GLI3: variants seen among roughly 807,000 people sequenced by gnomAD.
GLI3 encodes GLI family zinc finger 3.
A neutral mutation model predicts 100.8 loss-of-function variants in GLI3; 20 were observed. The observed-to-expected ratio is 0.20, with a 90% confidence interval of 0.14 to 0.29. The LOEUF (loss-of-function observed/expected upper bound fraction) is 0.29. Ranked by LOEUF, GLI3 falls within the 10% of genes least tolerant of loss-of-function variation. GLI3 has a pLI of 1.00. For synonymous variants in GLI3, 938 were observed against 860.5 expected, an observed-to-expected ratio of 1.09 and a Z score of -1.58; for missense variants, 2,040 against 2,128.5, an observed-to-expected ratio of 0.96 and a Z score of 0.82.
chr7:42,260,199 C>T (rs1789124529), intron 1 of GLI3, among the ~76,000 whole-genome samples: 1 of 152,188 alleles, frequency 6.6e-6, no homozygotes, highest in Admixed American at 6.5e-5. Context: ...TGAGAAATGA[C>T]ATATATAATG....
Position 42,026,321 on chromosome 7 carries a change from A to T in GLI3, c.1120T>A (p.Phe374Ile), listed in dbSNP as rs777494598. ...LSRQQSLGSA[F>I]GHSPPLIHPA... is the part of the protein sequence containing the mutation. The stretch of plus-strand genomic sequence containing the variant: ...TGGATGAGTGGAGGGCTGTGTCCAA[A>T]GGCTGAACCTAAGCTCTGTTGTCGG... The change falls in exon 8 of 15, where the codon TTT (phenylalanine) becomes ATT (isoleucine). Residue 374 changes from phenylalanine to isoleucine, a missense_variant. Phe to Ile is a conservative substitution (Grantham distance 21). Transcript: ENST00000395925. 5 of 1,614,162 alleles carry T rather than the reference A, an allele frequency of 3.1e-6. No individual in the cohort carries two copies. Among genetic ancestry groups the T allele is most frequent in the Non-Finnish European group, 4.2e-6 (5 of 1,180,002 alleles).
chr7:42,145,445 A>G (rs1292986924), intron 3 of GLI3: 1 of 397,770 alleles, frequency 2.5e-6, no homozygotes, highest in Admixed American at 4.4e-5. Flanking sequence ...TACAAAACAG[A>G]AAAAAGTTAT....
chr7:41,965,831 T>G lies in GLI3; in HGVS notation c.3242A>C (p.Asp1081Ala). 1 of 1,613,220 alleles carries G rather than the reference T, an allele frequency of 6.2e-7. No individual in the cohort carries two copies. The highest frequency in any genetic ancestry group is 1.7e-5 in the Admixed American group (1 of 59,970). Residue 1081 changes from aspartate to alanine, a missense_variant, in exon 15 of 15, where the codon GAC (aspartate) becomes GCC (alanine). Physicochemically the swap from Asp to Ala is moderately radical, Grantham distance 126. Around this residue, in one of 5 missense-constraint regions of GLI3, gnomAD observed 1,041 missense variants for 924.0 expected, o/e 1.13. Coordinates refer to ENST00000395925, the MANE Select transcript of GLI3 (RefSeq NM_000168.6). ...ENVTLESLTM[D>A]ADANLNDEDF... ...CTCATCGTTCAGGTTGGCATCAGCG[T>G]CCATGGTCAGGGACTCCAGGGTGAC...
intron 10 of GLI3, among the ~76,000 whole-genome samples, chr7:42,007,272 A>T (rs1038232666): frequency 2.0e-5 from 3 of 151,918 alleles, no homozygotes; most frequent in Non-Finnish European, 4.4e-5. Flanking sequence ...CAACAGCAAG[A>T]TATTGCTACG....
At chr7:42,253,350 C>T (rs1256136094) in intron 1 of GLI3, among the ~76,000 whole-genome samples, 2 of 152,190 alleles carry the variant, frequency 1.3e-5, no homozygotes, top group African/African-American at 2.4e-5. Flanking sequence ...GTGCTCAGCG[C>T]ATCTGCAGCA....
At chr7:41,984,546 C>A (rs557745747) in intron 10 of GLI3, among the ~76,000 whole-genome samples, 1 of 152,154 alleles carries the variant, frequency 6.6e-6, no homozygotes, top group African/African-American at 2.4e-5. Context: ...AAACCCTGCC[C>A]GAGGGAATCA....
intron 2 of GLI3, among the ~76,000 whole-genome samples, chr7:42,153,556 C>T (rs1583603972): frequency 2.0e-5 from 1 of 50,028 alleles, no homozygotes; most frequent in Non-Finnish European, 3.7e-5. Context: ...GAGGATGGGG[C>T]GGGCAGGGAG....
chr7:42,021,542 T>C (rs1788942107), intron 10 of GLI3, among the ~76,000 whole-genome samples: 1 of 152,216 alleles, frequency 6.6e-6, no homozygotes, highest in South Asian at 2.1e-4. Flanking sequence ...CACATTACTG[T>C]ATTTAGGTTG....
chr7:42,186,526 A>G (rs1445114244), intron 2 of GLI3, among the ~76,000 whole-genome samples: 2 of 152,232 alleles, frequency 1.3e-5, no homozygotes, highest in East Asian at 3.9e-4. Context: ...CTGAAAAATC[A>G]CATGAGCACC....
chr7:42,258,925 T>C (rs1271382910), intron 1 of GLI3, among the ~76,000 whole-genome samples: 2 of 152,210 alleles, frequency 1.3e-5, no homozygotes, highest in East Asian at 1.9e-4. Context: ...GAAAATGTGC[T>C]TGGGTTTTCT....
chr7:42,010,782 G>A (rs1359327348), intron 10 of GLI3, among the ~76,000 whole-genome samples: 1 of 152,188 alleles, frequency 6.6e-6, no homozygotes, highest in Non-Finnish European at 1.5e-5. Flanking sequence ...TGTGTATGAG[G>A]AAACTGATTA....
rs184585102 is a variant in GLI3, at chr7:42,093,219, A to C, written c.368-16362T>G. ...ACATGGAGAAACCCCGTCTCTACTAAAAATACAAAATTAGCCGGGTGTGGT... is the reference window on the plus strand; with the variant it reads ...ACATGGAGAAACCCCGTCTCTACTACAAATACAAAATTAGCCGGGTGTGGT... On this transcript the variant is annotated intron_variant, in intron 3 of 14. Transcript: ENST00000395925. Among the ~76,000 whole-genome samples, 333 of 152,048 alleles carry C rather than the reference A, an allele frequency of 2.2e-3. 6 individuals are homozygous for C. The East Asian group carries it at 0.06, about 27-fold the overall frequency.
chr7:42,125,113 C>T (rs1474419088), intron 3 of GLI3, among the ~76,000 whole-genome samples: 1 of 152,092 alleles, frequency 6.6e-6, no homozygotes, highest in Admixed American at 6.5e-5. Context: ...GTATTGCTCG[C>T]ACAATAGCAA....
Position 41,965,627 on chromosome 7 carries a change from G to A in GLI3, c.3446C>T (p.Pro1149Leu), listed in dbSNP as rs1404411124. 1.2e-6 allele frequency: 2 copies of A among 1,611,362 alleles called. No individual in the cohort carries two copies. The highest frequency in any genetic ancestry group is 3.3e-5 in the Admixed American group (2 of 59,972). The change falls in exon 15 of 15, where the codon CCC becomes CTC. Residue 1149 changes from proline to leucine, a missense_variant. Coordinates refer to ENST00000395925, the MANE Select transcript of GLI3 (RefSeq NM_000168.6). The part of the protein sequence containing the change: ...AGQQFHALEQ[P>L]CPEGSKTDLP... Reference sequence around the variant, plus strand: ...GTCGGTTTTGCTGCCCTCGGGGCAGGGCTGCTCGAGGGCATGGAACTGCTG... The same window carrying A: ...GTCGGTTTTGCTGCCCTCGGGGCAGAGCTGCTCGAGGGCATGGAACTGCTG...
At chr7:42,245,893 AAAG>A (rs1788965638) in intron 1 of GLI3, among the ~76,000 whole-genome samples, 1 of 97,330 alleles carries the variant, frequency 1.0e-5, no homozygotes, top group Non-Finnish European at 2.1e-5. Context: ...AAGAGAGAAA[AAAG>A]AAAGAAAAGG....
chr7:42,016,099 C>T (rs1037934808), intron 10 of GLI3, among the ~76,000 whole-genome samples: 49 of 152,016 alleles, frequency 3.2e-4, no homozygotes, highest in African/African-American at 1.1e-3. Context: ...TGCTTAACAC[C>T]CTACAATGCC....
chr7:42,155,730 G>A (rs889042911), intron 2 of GLI3, among the ~76,000 whole-genome samples: 12 of 152,246 alleles, frequency 7.9e-5, no homozygotes, highest in Admixed American at 7.9e-4. Flanking sequence ...AGCAAGATGA[G>A]AATTCAGATA....
intron 1 of GLI3, among the ~76,000 whole-genome samples, chr7:42,225,164 C>G (rs985573147): frequency 2.6e-5 from 4 of 152,070 alleles, no homozygotes; most frequent in Admixed American, 2.6e-4. Context: ...CAAGAATAAT[C>G]CAATACAATT....
At chr7:42,034,336 T>C (rs1789376466) in intron 7 of GLI3, among the ~76,000 whole-genome samples, 1 of 152,164 alleles carries the variant, frequency 6.6e-6, no homozygotes, top group African/African-American at 2.4e-5. Flanking sequence ...AGTAACTGAG[T>C]GCCTTTGATT....
Sources: allele counts gnomAD v4.1 joint callset (sites outside exome capture counted in the v4.1 genomes callset), GRCh38; gene constraint gnomAD v4.1.1; regional missense constraint gnomAD v4.1.1; transcripts MANE v1.5; gene names NCBI Gene and HGNC (gene_info 2026-07-23, HGNC 2026-07-21).